STAB1: variants seen among roughly 807,000 people sequenced by gnomAD.
STAB1 encodes the protein stabilin 1.
STAB1 carries 250 observed loss-of-function variants against 332.4 expected under a neutral mutation model. The ratio of observed to expected loss-of-function variants is 0.75; its 90% CI spans 0.68 to 0.84. STAB1 has a LOEUF of 0.84. Ranked by LOEUF, STAB1 falls within the 40% of genes least tolerant of loss-of-function variation. The pLI, the probability that STAB1 is intolerant of heterozygous loss-of-function variation, is 0.00. For missense variants in STAB1, 3,249 were observed against 3,489.7 expected, an observed-to-expected ratio of 0.93 and a Z score of 1.74; for synonymous variants, 1,475 against 1,390.4, an observed-to-expected ratio of 1.06 and a Z score of -1.35.
Position 52,507,661 on chromosome 3 carries a change from A to G in STAB1, c.2038A>G (p.Asn680Asp). The change falls in exon 19 of 69, where the codon AAC (asparagine) becomes GAC (aspartate). Residue 680 changes from asparagine (N) to aspartate (D), a missense_variant. Transcript: ENST00000321725. ...CCTGAACACCAGCACGTGTCCCCCC[A>G]ACAGTGTGAAGCTGGTGAGCACACC... Reference protein sequence around the residue: ...QALNTSTCPPNSVKLDIFPKE... With the variant: ...QALNTSTCPPDSVKLDIFPKE... 6.2e-7 allele frequency: 1 copy of G among 1,613,518 alleles called. No individual in the cohort carries two copies. The highest frequency in any genetic ancestry group is 8.5e-7 in the Non-Finnish European group (1 of 1,179,988).
In STAB1 at chr3:52,521,636, T is replaced by TG. The variant is rs760139511; in HGVS notation, c.6104dup (p.Ser2036LeufsTer7). 1.9e-6 allele frequency: 3 copies of TG among 1,613,160 alleles called. No homozygotes were observed. Among genetic ancestry groups the TG allele is most frequent in the Non-Finnish European group, 2.5e-6 (3 of 1,179,896 alleles). On this transcript the variant is annotated frameshift_variant, in exon 57 of 69. Coordinates refer to ENST00000321725, the MANE Select transcript of STAB1 (RefSeq NM_015136.3). LOFTEE classifies it high-confidence loss of function. ...TGCATGGCCGCTGTGATGAGGGCCT[T>TG]GGGGGCTCTGGCTCCTGCTTCTGTG...
chr3:52,508,079 C>T, intron 20 of STAB1, 53 bp downstream of exon 20: 1 of 1,572,296 alleles, frequency 6.4e-7, no homozygotes, highest in African/African-American at 1.3e-5. Flanking sequence ...CCTGCTGTTC[C>T]TCGGGGGCCC....
intron 21 of STAB1, among the ~76,000 whole-genome samples, chr3:52,508,848 A>T (rs1437690338): frequency 1.3e-5 from 2 of 151,860 alleles, no homozygotes; most frequent in African/African-American, 2.4e-5. Context: ...TAATAATAAT[A>T]ATAATAGATA....
chr3:52,517,858 T>C (rs746558112), intron 44 of STAB1, 23 bp from the exon 45 acceptor site: 1 of 1,611,870 alleles, frequency 6.2e-7, no homozygotes, highest in Non-Finnish European at 8.5e-7. Context: ...CACTGATACC[T>C]TCCTCTCCTG....
chr3:52,508,102 T>C, intron 20 of STAB1, 76 bp downstream of exon 20: 1 of 1,473,206 alleles, frequency 6.8e-7, no homozygotes, highest in Non-Finnish European at 9.4e-7. Context: ...AAGCTGGGGC[T>C]GAGTGGGCTC....
At chr3:52,508,182 C>A in intron 20 of STAB1, 91 bp from the exon 21 acceptor site, 1 of 1,397,094 alleles carries the variant, frequency 7.2e-7, no homozygotes, top group Non-Finnish European at 9.9e-7. Flanking sequence ...TCCACTCCGT[C>A]ACTCTGGAGA....
intron 1 of STAB1, among the ~76,000 whole-genome samples, chr3:52,497,556 G>C (rs942775585): frequency 6.6e-6 from 1 of 151,910 alleles, no homozygotes; most frequent in African/African-American, 2.4e-5. Context: ...GGGACTACAG[G>C]CGCACACCAC....
At chr3:52,517,658 G>A (rs376781803) in intron 44 of STAB1, 34 bp downstream of exon 44, 45 of 1,607,180 alleles carry the variant, frequency 2.8e-5, no homozygotes, top group Middle Eastern at 1.7e-4. Context: ...CTTCACTGAC[G>A]AGAAGGAGAG....
At position 52,520,460 on chromosome 3, in the gene STAB1, G is replaced by A; in HGVS notation, c.5560G>A (p.Gly1854Ser). 3 of 1,612,750 alleles carry A rather than the reference G, an allele frequency of 1.9e-6. No homozygotes were observed. The highest frequency in any genetic ancestry group is 1.1e-5 in the South Asian group (1 of 91,078). The part of the protein sequence containing the change: ...RIVQRHLPFE[G>S]GLAYGIDQLL... ...TGTGCAGCGGCACTTGCCCTTTGAG[G>A]GTGGCCTGGCCTATGGCATCGACCA... Residue 1854 changes from glycine to serine, a missense_variant, in exon 53 of 69, where the codon GGT becomes AGT. Gly to Ser is a moderately conservative substitution (Grantham distance 56). Transcript: ENST00000321725.
Position 52,523,010 on chromosome 3 carries a change from C to G in STAB1, c.6911-15C>G. 6.3e-7 allele frequency: 1 copy of G among 1,584,974 alleles called. No homozygotes were observed. Among genetic ancestry groups the G allele is most frequent in the Non-Finnish European group, 8.6e-7 (1 of 1,161,946 alleles). The stretch of plus-strand genomic sequence containing the variant: ...CCCACCAATCTGCTGAGCCACTGAC[C>G]TGCTTTTCCTGCAGATGTGGCCTGC... On this transcript the variant is annotated splice_polypyrimidine_tract_variant and intron_variant, in intron 62 of 68. Coordinates refer to ENST00000321725, the MANE Select transcript of STAB1 (RefSeq NM_015136.3).
At position 52,514,188 on chromosome 3, in the gene STAB1, A is replaced by G; in HGVS notation, c.3521A>G (p.Glu1174Gly). The G allele has an allele frequency of 6.2e-7, 1 of 1,613,232 alleles. No individual in the cohort carries two copies. The highest frequency in any genetic ancestry group is 8.5e-7 in the Non-Finnish European group (1 of 1,179,966). The change falls in exon 33 of 69, where the codon GAG becomes GGG. Residue 1174 changes from glutamate to glycine, a missense_variant. Transcript: ENST00000321725. ...TIFVPTNRSLEAQGNSSHLDA... is the reference protein window; with the variant it reads ...TIFVPTNRSLGAQGNSSHLDA... The stretch of plus-strand genomic sequence containing the variant: ...TTTGTGCCCACCAACCGCTCCCTGG[A>G]GGCCCAGGGCAACAGCAGTCACCTG...
At chr3:52,506,626 G>A (rs1708889097) in intron 17 of STAB1, 66 bp from the exon 18 acceptor site, 9 of 1,506,472 alleles carry the variant, frequency 6.0e-6, no homozygotes, top group Non-Finnish European at 8.0e-6. Context: ...CAGGGGTGGA[G>A]GTGGGCAGCC....
chr3:52,520,938 C>T lies in STAB1; in HGVS notation c.5841C>T (p.His1947=), dbSNP rs1479353603. Residue 1947 remains histidine (H), a synonymous_variant, in exon 55 of 69, where the codon CAC becomes CAT. Coordinates refer to ENST00000321725, the MANE Select transcript of STAB1 (RefSeq NM_015136.3). ...CCCAAGGCCTGGGCAGGGGCTGCCA[C>T]CGCAATTGTGTCACCACCACCTGGA... The part of the protein sequence containing the change: ...GRPQGLGRGC[H]RNCVTTTWKP... 1.3e-6 allele frequency: 2 copies of T among 1,590,382 alleles called. No homozygotes were observed. The highest frequency in any genetic ancestry group is 1.3e-5 in the African/African-American group (1 of 74,190).
chr3:52,514,287 G>A, intron 33 of STAB1, 74 bp downstream of exon 33: 3 of 1,594,102 alleles, frequency 1.9e-6, no homozygotes, highest in Non-Finnish European at 2.6e-6. Flanking sequence ...CCACCACGAA[G>A]GGACACAGTG....
chr3:52,506,704 C>T lies in STAB1; in HGVS notation c.1843C>T (p.Leu615=). The T allele has an allele frequency of 6.2e-7, 1 of 1,611,150 alleles. No individual in the cohort carries two copies. The highest frequency in any genetic ancestry group is 8.5e-7 in the Non-Finnish European group (1 of 1,179,064). ...VNISEEGRIL[L]GPEGVPLQRV... ...GTCTCTGCCGCAGGGGCGCATCCTGCTGGGACCCGAGGGGGTCCCGCTGCA... is the reference window on the plus strand; with the variant it reads ...GTCTCTGCCGCAGGGGCGCATCCTGTTGGGACCCGAGGGGGTCCCGCTGCA... The change falls in exon 18 of 69, where the codon CTG becomes TTG. Residue 615 remains leucine, a synonymous_variant. Coordinates refer to ENST00000321725, the MANE Select transcript of STAB1 (RefSeq NM_015136.3).
chr3:52,522,643 G>A lies in STAB1; in HGVS notation c.6699G>A (p.Gln2233=). The A allele has an allele frequency of 6.2e-7, 1 of 1,612,940 alleles. No homozygotes were observed. The highest frequency in any genetic ancestry group is 1.1e-5 in the South Asian group (1 of 91,082). The change falls in exon 61 of 69, where the codon CAG becomes CAA. Residue 2233 remains glutamine, a synonymous_variant. Transcript: ENST00000321725. ...FSEAEAACEA[Q]GAVLASFPQL... ...AGGCTGAGGCGGCATGCGAAGCACA[G>A]GGAGCCGTCCTTGCTTCATTCCCTC...
In STAB1 at chr3:52,519,280, A is replaced by T; in HGVS notation, c.5051A>T (p.Asn1684Ile). ...CGCCCCCAGGGCAGCATATACCTCA[A>T]TGACTTCGCGCGCGTGGTGAGCAGC... Reference protein sequence around the residue: ...FSEREGSIYLNDFARVVSSDH... With the variant: ...FSEREGSIYLIDFARVVSSDH... The change falls in exon 49 of 69, where the codon AAT becomes ATT. Residue 1684 changes from asparagine (N) to isoleucine (I), a missense_variant. By Grantham distance (149) the Asn-to-Ile change is moderately radical. Coordinates refer to ENST00000321725, the MANE Select transcript of STAB1 (RefSeq NM_015136.3). 1.9e-6 allele frequency: 3 copies of T among 1,612,826 alleles called. No individual in the cohort carries two copies. The highest frequency in any genetic ancestry group is 2.5e-6 in the Non-Finnish European group (3 of 1,179,936).
intron 12 of STAB1, 21 bp from the exon 13 acceptor site, chr3:52,504,982 A>G: frequency 1.9e-6 from 3 of 1,613,514 alleles, no homozygotes; most frequent in Non-Finnish European, 2.5e-6. Flanking sequence ...GGATCTGGCC[A>G]GACCTCTTGT....
chr3:52,503,788 G>A lies in STAB1; in HGVS notation c.908G>A (p.Arg303Gln), dbSNP rs551634878. The A allele has an allele frequency of 1.5e-5, 25 of 1,613,132 alleles. No individual in the cohort carries two copies. Among genetic ancestry groups the A allele is most frequent in the Middle Eastern group, 1.7e-4 (1 of 6,048 alleles). ...GGGGGCCAGGCCTTCTGCACCTGCC[G>A]GCCAGGCCTGGTCAGCATCAACAGC... ...QKPGQAFCTC[R>Q]PGLVSINSNA... The change falls in exon 9 of 69, where the codon CGG becomes CAG. Residue 303 changes from arginine to glutamine, a missense_variant. Arg to Gln is a conservative substitution (Grantham distance 43). Coordinates refer to ENST00000321725, the MANE Select transcript of STAB1 (RefSeq NM_015136.3).
Sources: gnomAD v4.1 joint callset for allele counts (sites outside exome capture counted in the v4.1 genomes callset) on GRCh38, gnomAD v4.1.1 for gene constraint, MANE v1.5 for transcripts, NCBI Gene and HGNC (gene_info 2026-07-23, HGNC 2026-07-21) for gene names.